DSCAM: variants seen among roughly 807,000 people sequenced by gnomAD.
The protein encoded by DSCAM is cell adhesion molecule DSCAM.
DSCAM carries 47 observed loss-of-function variants against 217.7 expected under a neutral mutation model. The ratio of observed to expected loss-of-function variants is 0.22; its 90% CI spans 0.17 to 0.28. DSCAM has a LOEUF of 0.28. Ranked by LOEUF, DSCAM falls within the 10% of genes least tolerant of loss-of-function variation. The probability of loss-of-function intolerance (pLI) is 1.00; values close to 1 mark genes in which losing one functional copy is unlikely to be tolerated. For synonymous variants in DSCAM, 1,056 were observed against 1,015.3 expected (o/e 1.04, Z -0.76); for missense variants, 2,080 against 2,618.3 (o/e 0.79, Z 4.49).
At chr21:40,600,273 A>C (rs1182762794) in intron 3 of DSCAM, among the ~76,000 whole-genome samples, 1 of 152,176 alleles carries the variant, frequency 6.6e-6, no homozygotes, top group Non-Finnish European at 1.5e-5. Flanking sequence ...AGTGCTGGAG[A>C]CTGGATAGTC....
chr21:40,458,559 C>A (rs555881688), intron 3 of DSCAM, among the ~76,000 whole-genome samples: 4 of 151,894 alleles, frequency 2.6e-5, no homozygotes, highest in Non-Finnish European at 5.9e-5. Flanking sequence ...GCAAAAGGAA[C>A]AAGTTAATAA....
At chr21:40,696,708 C>T (rs1311484078) in intron 2 of DSCAM, among the ~76,000 whole-genome samples, 1 of 151,568 alleles carries the variant, frequency 6.6e-6, no homozygotes, top group South Asian at 2.1e-4. Flanking sequence ...CTTTTTAGAT[C>T]AGAAGAAAAA....
chr21:40,781,626 G>A (rs1454560836), intron 1 of DSCAM, among the ~76,000 whole-genome samples: 7 of 152,116 alleles, frequency 4.6e-5, no homozygotes, highest in Non-Finnish European at 7.4e-5. Flanking sequence ...ATACTTGGGG[G>A]TCCCGAAACC....
chr21:40,818,061 AGT>A (rs1261457226), intron 1 of DSCAM, among the ~76,000 whole-genome samples: 97 of 127,766 alleles, frequency 7.6e-4, no homozygotes, highest in Non-Finnish European at 1.3e-3. Context: ...GCGCCACTGC[AGT>A]CCGCAGTCCG....
chr21:40,791,609 C>A (rs988678078), intron 1 of DSCAM, among the ~76,000 whole-genome samples: 6 of 152,036 alleles, frequency 3.9e-5, no homozygotes, highest in African/African-American at 1.4e-4. Flanking sequence ...GCCGAGATTG[C>A]GCCACTGCAC....
intron 3 of DSCAM, among the ~76,000 whole-genome samples, chr21:40,379,288 T>C (rs916022332): frequency 6.6e-6 from 1 of 152,208 alleles, no homozygotes; most frequent in Non-Finnish European, 1.5e-5. Context: ...AGTTAAAATG[T>C]ATTTTGGAAA....
At chr21:40,681,209 C>T (rs2090396881) in intron 3 of DSCAM, among the ~76,000 whole-genome samples, 1 of 152,234 alleles carries the variant, frequency 6.6e-6, no homozygotes, top group Admixed American at 6.5e-5. Flanking sequence ...TAAACCGTGG[C>T]ACCCGAAAGT....
intron 1 of DSCAM, among the ~76,000 whole-genome samples, chr21:40,721,418 C>A (rs1239695035): frequency 6.6e-6 from 1 of 151,896 alleles, no homozygotes; most frequent in African/African-American, 2.4e-5. Flanking sequence ...ATGTACAAGA[C>A]AGTAGGAAAA....
At chr21:40,327,449 G>A (rs2074330090) in intron 8 of DSCAM, among the ~76,000 whole-genome samples, 1 of 152,090 alleles carries the variant, frequency 6.6e-6, no homozygotes. Flanking sequence ...TTTTGGTAGT[G>A]TCTTAGGGTT....
intron 24 of DSCAM, among the ~76,000 whole-genome samples, chr21:40,082,048 C>G (rs1298766493): frequency 6.6e-6 from 1 of 152,190 alleles, no homozygotes; most frequent in African/African-American, 2.4e-5. Context: ...CAGCCTGGAA[C>G]CTTTGGTAGG....
chr21:40,319,857 T>C (rs1386853000), intron 8 of DSCAM, among the ~76,000 whole-genome samples: 4 of 152,168 alleles, frequency 2.6e-5, no homozygotes, highest in Admixed American at 2.0e-4. Flanking sequence ...CCCCATGGAA[T>C]ACTTTGCAGC....
intron 3 of DSCAM, among the ~76,000 whole-genome samples, chr21:40,614,391 G>T (rs1219445583): frequency 2.0e-5 from 3 of 152,158 alleles, no homozygotes; most frequent in Non-Finnish European, 2.9e-5. Flanking sequence ...AATCAAGGTT[G>T]TTTTAATTAT....
chr21:40,053,328 G>C (rs568135030), intron 29 of DSCAM, among the ~76,000 whole-genome samples: 13 of 152,314 alleles, frequency 8.5e-5, no homozygotes, highest in African/African-American at 3.1e-4. Flanking sequence ...TTGGAGGTCC[G>C]GCCCCGTGGC....
rs2091496295 is a variant in DSCAM at position 40,777,243 on chromosome 21, A to G, written c.44-68472T>C. Reference sequence around the variant, plus strand: ...CGAATTCCACTGATGAGAGCTCCACACTTATGACCTAATCACCTCTCAAAG... The same window carrying G: ...CGAATTCCACTGATGAGAGCTCCACGCTTATGACCTAATCACCTCTCAAAG... On this transcript the variant is annotated intron_variant, in intron 1 of 32. Coordinates refer to ENST00000400454, the MANE Select transcript of DSCAM (RefSeq NM_001389.5). 2.6e-5 allele frequency among the ~76,000 whole-genome samples: 4 copies of G among 152,162 alleles called. No individual in the cohort carries two copies. In the South Asian group the frequency reaches 8.3e-4, roughly 31 times the overall value.
In DSCAM at chr21:40,415,862, C is replaced by A. The variant is rs189999874; in HGVS notation, c.509-46617G>T. On this transcript the variant is annotated intron_variant, in intron 3 of 32. Transcript: ENST00000400454. Reference sequence around the variant, plus strand: ...CTTCCCCCAACTCTCAGGACGGCACCATCATGTCATGCATCGCTGTCATCA... The same window carrying A: ...CTTCCCCCAACTCTCAGGACGGCACAATCATGTCATGCATCGCTGTCATCA... Among the ~76,000 whole-genome samples, 160 of 152,210 alleles carry A rather than the reference C, an allele frequency of 1.1e-3. 1 individual carries two copies. Among genetic ancestry groups the A allele is most frequent in the Non-Finnish European group, 1.9e-3 (127 of 68,026 alleles).
rs76790748 is a variant in DSCAM, at chr21:40,250,791, G to A, written c.2356+25306C>T. ...CATGTTCATGTTCATGGAGGTGGCC[G>A]GAAGTAATTAAGCACTCTTCAATAA... On this transcript the variant is annotated intron_variant, in intron 11 of 32. Coordinates refer to ENST00000400454, the MANE Select transcript of DSCAM (RefSeq NM_001389.5). 4.9e-4 allele frequency among the ~76,000 whole-genome samples: 75 copies of A among 152,280 alleles called. 1 individual carries two copies. Among genetic ancestry groups the A allele is most frequent in the Non-Finnish European group, 8.2e-4 (56 of 68,014 alleles).
intron 29 of DSCAM, among the ~76,000 whole-genome samples, chr21:40,052,798 T>C (rs1256760694): frequency 6.6e-6 from 1 of 152,212 alleles, no homozygotes; most frequent in African/African-American, 2.4e-5. Context: ...CCGTGGGCAC[T>C]TGAAGGTGAG....
At chr21:40,493,878 A>AT (rs1555845546) in intron 3 of DSCAM, among the ~76,000 whole-genome samples, 2,567 of 96,038 alleles carry the variant, frequency 0.027, 70 homozygotes, top group South Asian at 0.1. Flanking sequence ...AAAAAAAAAA[A>AT]AATATATACA....
chr21:40,436,305 T>C (rs188852612), intron 3 of DSCAM, among the ~76,000 whole-genome samples: 7 of 152,236 alleles, frequency 4.6e-5, no homozygotes, highest in Non-Finnish European at 1.0e-4. Flanking sequence ...TATGGAAAAA[T>C]TTCCCCCTGA....
Sources: allele counts gnomAD v4.1 joint callset (sites outside exome capture counted in the v4.1 genomes callset), GRCh38; gene constraint gnomAD v4.1.1; transcripts MANE v1.5; gene names NCBI Gene and HGNC (gene_info 2026-07-23, HGNC 2026-07-21).